The following B4GALT5 variants were observed in gnomAD, a reference collection of about 807,000 sequenced individuals.
B4GALT5 encodes the protein UDP-Gal:beta-GlcNAc beta-1,4-galactosyltransferase 5.
B4GALT5 carries 11 observed loss-of-function variants against 45.0 expected under a neutral mutation model. The observed-to-expected ratio is 0.24, with a 90% confidence interval of 0.15 to 0.40. B4GALT5 has a LOEUF of 0.40. Ranked by LOEUF, B4GALT5 falls within the 10% of genes least tolerant of loss-of-function variation. The probability of loss-of-function intolerance (pLI) is 1.00; values close to 1 mark genes in which losing one functional copy is unlikely to be tolerated. For synonymous variants in B4GALT5, 185 were observed against 182.9 expected (o/e 1.01, Z -0.09); for missense variants, 337 against 500.2 (o/e 0.67, Z 3.11).
intron 2 of B4GALT5, among the ~76,000 whole-genome samples, chr20:49,656,138 G>A (rs948055262): frequency 2.6e-5 from 4 of 152,030 alleles, no homozygotes; most frequent in African/African-American, 9.7e-5. Context: ...GCTCCCACAA[G>A]AGCTGGTTGT....
chr20:49,647,144 G>A lies in B4GALT5; in HGVS notation c.251-66C>T, dbSNP rs917419073. Reference sequence around the variant, plus strand: ...GTGATCAACCGTGCAATTATCAGATGCCTACCAAGTAAGTCTTTCTCTTAG... The same window carrying A: ...GTGATCAACCGTGCAATTATCAGATACCTACCAAGTAAGTCTTTCTCTTAG... On this transcript the variant is annotated intron_variant, in intron 2 of 8. Coordinates refer to ENST00000371711, the MANE Select transcript of B4GALT5 (RefSeq NM_004776.4). 14 of 926,528 alleles carry A rather than the reference G, an allele frequency of 1.5e-5. No individual in the cohort carries two copies. In the Admixed American group the frequency reaches 1.8e-4, roughly 12 times the overall value. The allele number at this position is 926,528 out of a possible 1,614,324, so 57.4% of individuals were successfully genotyped here.
At position 49,713,637 on chromosome 20, in the gene B4GALT5, C is replaced by G; in HGVS notation, c.54G>C (p.Ala18=). ...AGGACGAGAGAGAAAAGAAGAAGAG[C>G]GCGGCGAGCAGCGAGCGGCGCGGCA... ...LRLPRRSLLA[A]LFFFSLSSSL... The change falls in exon 1 of 9, where the codon GCG becomes GCC. Residue 18 remains alanine, a synonymous_variant. Transcript: ENST00000371711. 6.3e-7 allele frequency: 1 copy of G among 1,580,644 alleles called. No homozygotes were observed. Among genetic ancestry groups the G allele is most frequent in the Non-Finnish European group, 8.6e-7 (1 of 1,165,864 alleles).
chr20:49,662,460 A>G (rs1275967166), intron 1 of B4GALT5, among the ~76,000 whole-genome samples: 1 of 152,188 alleles, frequency 6.6e-6, no homozygotes, highest in African/African-American at 2.4e-5. Context: ...AACACAGAGG[A>G]TGCATAATAA....
rs762365584 is a variant in B4GALT5 at position 49,643,324 on chromosome 20, C to G, written c.489+202G>C. ...GGTGGGAAGACCAAAGGGTCTTGCT[C>G]GGTCATCAGAATAATGCAAATTTCT... is the stretch of plus-strand genomic sequence containing the variant. On this transcript the variant is annotated intron_variant, in intron 4 of 8. Coordinates refer to ENST00000371711, the MANE Select transcript of B4GALT5 (RefSeq NM_004776.4). 2.6e-5 allele frequency among the ~76,000 whole-genome samples: 4 copies of G among 152,218 alleles called. No individual in the cohort carries two copies. In the South Asian group the frequency reaches 6.2e-4, roughly 24 times the overall value.
intron 1 of B4GALT5, among the ~76,000 whole-genome samples, chr20:49,658,600 T>C (rs1253180096): frequency 6.6e-6 from 1 of 152,180 alleles, no homozygotes; most frequent in African/African-American, 2.4e-5. Context: ...AAGGACACAG[T>C]TGCTTAGCCC....
At chr20:49,703,120 G>A (rs777463427) in intron 1 of B4GALT5, among the ~76,000 whole-genome samples, 1 of 135,308 alleles carries the variant, frequency 7.4e-6, no homozygotes, top group African/African-American at 2.8e-5. Context: ...CTTGCAGTGA[G>A]ACCAGATGGC....
intron 1 of B4GALT5, among the ~76,000 whole-genome samples, chr20:49,690,195 A>G (rs894359071): frequency 1.8e-4 from 28 of 152,228 alleles, no homozygotes; most frequent in Admixed American, 1.6e-3. Context: ...TAGTAGAGAC[A>G]GGGTTTCGCC....
At chr20:49,695,070 G>A (rs1468194119) in intron 1 of B4GALT5, among the ~76,000 whole-genome samples, 1 of 150,456 alleles carries the variant, frequency 6.6e-6, no homozygotes, top group Non-Finnish European at 1.5e-5. Flanking sequence ...CTTAACATGT[G>A]AACACCTGCA....
At chr20:49,654,299 G>A (rs1409477962) in intron 2 of B4GALT5, among the ~76,000 whole-genome samples, 1 of 152,164 alleles carries the variant, frequency 6.6e-6, no homozygotes, top group Non-Finnish European at 1.5e-5. Context: ...ATAAAATTCT[G>A]CCTTAACTGA....
At chr20:49,664,429 C>T (rs1329303557) in intron 1 of B4GALT5, among the ~76,000 whole-genome samples, 7 of 118,938 alleles carry the variant, frequency 5.9e-5, no homozygotes, top group African/African-American at 2.1e-4. Context: ...AATACACACA[C>T]ACACACACAC....
chr20:49,691,514 AAAAC>A (rs1263120217), intron 1 of B4GALT5, among the ~76,000 whole-genome samples: 3 of 152,014 alleles, frequency 2.0e-5, no homozygotes, highest in Admixed American at 6.6e-5. Flanking sequence ...AGAGTCTCAC[AAAAC>A]AAACAAAAAA....
At chr20:49,699,161 T>G (rs1415952582) in intron 1 of B4GALT5, among the ~76,000 whole-genome samples, 3 of 152,120 alleles carry the variant, frequency 2.0e-5, no homozygotes, top group Non-Finnish European at 2.9e-5. Flanking sequence ...ACACTTAGAA[T>G]GTACTGGGGT....
chr20:49,682,646 T>C (rs911234401), intron 1 of B4GALT5, among the ~76,000 whole-genome samples: 1 of 152,144 alleles, frequency 6.6e-6, no homozygotes, highest in African/African-American at 2.4e-5. Flanking sequence ...TTCCTCTCTC[T>C]ACTCCCTGCA....
At chr20:49,665,613 A>C (rs1302356405) in intron 1 of B4GALT5, among the ~76,000 whole-genome samples, 2 of 151,146 alleles carry the variant, frequency 1.3e-5, no homozygotes, top group Non-Finnish European at 2.9e-5. Context: ...CATTATATAC[A>C]TAAGATGTTC....
At chr20:49,684,584 G>C (rs143292944) in intron 1 of B4GALT5, 1 of 518,724 alleles carries the variant, frequency 1.9e-6, no homozygotes, top group East Asian at 5.4e-5. Context: ...GTTGGTCCCT[G>C]AACTGAAAGA....
At chr20:49,684,051 G>A (rs1223289559) in intron 1 of B4GALT5, among the ~76,000 whole-genome samples, 1 of 151,892 alleles carries the variant, frequency 6.6e-6, no homozygotes, top group Admixed American at 6.6e-5. Context: ...TGAGGAGGGA[G>A]GATCGCTTGA....
At chr20:49,696,574 G>A (rs1329865171) in intron 1 of B4GALT5, among the ~76,000 whole-genome samples, 4 of 152,192 alleles carry the variant, frequency 2.6e-5, no homozygotes, top group Non-Finnish European at 5.9e-5. Context: ...ATAGCAAAGA[G>A]ATTGTAAAAG....
intron 1 of B4GALT5, among the ~76,000 whole-genome samples, chr20:49,711,393 T>A (rs1046928626): frequency 6.6e-6 from 1 of 152,224 alleles, no homozygotes; most frequent in Non-Finnish European, 1.5e-5. Flanking sequence ...AGAATCTGGC[T>A]TCTAACCTTT....
chr20:49,686,652 C>T (rs920293755), intron 1 of B4GALT5, among the ~76,000 whole-genome samples: 6 of 145,594 alleles, frequency 4.1e-5, no homozygotes, highest in Admixed American at 7.1e-5. Flanking sequence ...TTTGGGAGAC[C>T]GAGGCAAGAG....
Sources: gnomAD v4.1 joint callset for allele counts (sites outside exome capture counted in the v4.1 genomes callset) on GRCh38, gnomAD v4.1.1 for gene constraint, MANE v1.5 for transcripts, NCBI Gene and HGNC (gene_info 2026-07-23, HGNC 2026-07-21) for gene names.